BRF2: variants seen among roughly 807,000 people sequenced by gnomAD.
BRF2 encodes the protein BRF2 general transcription factor IIIB subunit, also known as transcription factor IIIB 50 kDa subunit.
A neutral mutation model predicts 26.6 loss-of-function variants in BRF2; 17 were observed. The ratio of observed to expected loss-of-function variants is 0.64; its 90% CI spans 0.44 to 0.96. The LOEUF is 0.96. Among genes scored for constraint, BRF2 ranks in the 40% least tolerant of loss-of-function variants. The pLI, the probability that BRF2 is intolerant of heterozygous loss-of-function variation, is 0.00. For missense variants in BRF2, 515 were observed against 537.0 expected, an observed-to-expected ratio of 0.96 and a Z score of 0.40; for synonymous variants, 219 against 226.6, an observed-to-expected ratio of 0.97 and a Z score of 0.30.
At chr8:37,845,901 TCAGC>T in intron 3 of BRF2, 1 of 573,434 alleles carries the variant, frequency 1.7e-6, no homozygotes, top group Admixed American at 3.4e-5. Context: ...AGCTGGGCAT[TCAGC>T]CACAAAGCCC....
rs761019831 is a variant in BRF2, at chr8:37,844,423, T to G, written c.*67A>C. 3 of 1,568,996 alleles carry G rather than the reference T, an allele frequency of 1.9e-6. No individual in the cohort carries two copies. The highest frequency in any genetic ancestry group is 3.5e-5 in the Admixed American group (2 of 57,572). ...ACCTACGGACTGGTGTACACTTCCA[T>G]CCTTGGTTATAACAGGAATGTTATC... On this transcript the variant is annotated 3_prime_UTR_variant, in exon 4 of 4. Transcript: ENST00000220659.
At chr8:37,845,247 G>A (rs758055506) in intron 3 of BRF2, 34 bp from the exon 4 acceptor site, 2 of 1,558,522 alleles carry the variant, frequency 1.3e-6, no homozygotes, top group South Asian at 2.3e-5. Flanking sequence ...GGATCTTAAT[G>A]ATATAGGGGC....
At chr8:37,845,321 T>A in intron 3 of BRF2, 108 bp from the exon 4 acceptor site, 1 of 862,094 alleles carries the variant, frequency 1.2e-6, no homozygotes, top group Non-Finnish European at 1.9e-6. Flanking sequence ...CCCTCAGGAA[T>A]ACTCAAGCTC....
chr8:37,843,972 T>A lies in BRF2; in HGVS notation c.*518A>T, dbSNP rs1805897389. 1.3e-5 allele frequency: 2 copies of A among 154,080 alleles called. 1 individual carries two copies. Among genetic ancestry groups the A allele is most frequent in the African/African-American group, 4.8e-5 (2 of 41,468 alleles). 9.5% of individuals were successfully genotyped at this position (154,080 alleles called of 1,614,324 possible). A position where few individuals can be genotyped will look rare whatever the true frequency, so the allele number is the denominator to read the frequency against. On this transcript the variant is annotated 3_prime_UTR_variant, in exon 4 of 4. Coordinates refer to ENST00000220659, the MANE Select transcript of BRF2 (RefSeq NM_018310.4). ...TAAAATTTTGCAAAGCCCTTTGAGCTACTGCCTTAGTCTACCCACTGTCCT... is the reference window on the plus strand; with the variant it reads ...TAAAATTTTGCAAAGCCCTTTGAGCAACTGCCTTAGTCTACCCACTGTCCT...
chr8:37,847,286 A>G lies in BRF2; in HGVS notation c.215-111T>C, dbSNP rs146554738. ...CTGCTAAACTTGCCTCAGATATCAG[A>G]TGCACAAATTATGTACCTTTCTGCA... On this transcript the variant is annotated intron_variant, in intron 2 of 3. Coordinates refer to ENST00000220659, the MANE Select transcript of BRF2 (RefSeq NM_018310.4). 64 of 882,170 alleles carry G rather than the reference A, an allele frequency of 7.3e-5. 1 individual carries two copies. In the African/African-American group the frequency reaches 9.5e-4, roughly 13 times the overall value. 54.6% of individuals were successfully genotyped at this position (882,170 alleles called of 1,614,324 possible).
chr8:37,847,085 C>A lies in BRF2; in HGVS notation c.305G>T (p.Arg102Leu). Residue 102 changes from arginine (R) to leucine (L), a missense_variant, in exon 3 of 4, where the codon CGG becomes CTG. Transcript: ENST00000220659. The part of the protein sequence containing the change: ...TAVAYYQQAY[R>L]HSGIRAARLQ... ...CCTGGCCGCTCGGATGCCAGAGTGCCGATATGCCTGTTGGTAGTAGGCAAC... is the reference window on the plus strand; with the variant it reads ...CCTGGCCGCTCGGATGCCAGAGTGCAGATATGCCTGTTGGTAGTAGGCAAC... The A allele has an allele frequency of 6.2e-7, 1 of 1,614,156 alleles. No individual in the cohort carries two copies. Among genetic ancestry groups the A allele is most frequent in the Non-Finnish European group, 8.5e-7 (1 of 1,180,044 alleles).
intron 3 of BRF2, 23 bp downstream of exon 3, chr8:37,846,831 A>G (rs1805966882): frequency 6.4e-7 from 1 of 1,569,714 alleles, no homozygotes; most frequent in Non-Finnish European, 8.8e-7. Flanking sequence ...ATCCCATCCT[A>G]CTGTCTCCCA....
At chr8:37,846,128 C>T (rs938988511) in intron 3 of BRF2, among the ~76,000 whole-genome samples, 5 of 152,134 alleles carry the variant, frequency 3.3e-5, no homozygotes, top group South Asian at 2.1e-4. Flanking sequence ...GTGGGTAGAA[C>T]GCTTGAGTCC....
Position 37,846,994 on chromosome 8 carries a change from G to A in BRF2, c.396C>T (p.Pro132=). 6.2e-7 allele frequency: 1 copy of A among 1,614,186 alleles called. No individual in the cohort carries two copies. Among genetic ancestry groups the A allele is most frequent in the Non-Finnish European group, 8.5e-7 (1 of 1,180,036 alleles). ...GCGTGCAGATGGCCCCCATTGTTAG[G>A]GGCCAGTTATGCTGTCGGCAGGTGA... The part of the protein sequence containing the change: ...VLITCRQHNW[P]LTMGAICTLL... The change falls in exon 3 of 4, where the codon CCC becomes CCT. Residue 132 remains proline (P), a synonymous_variant. Coordinates refer to ENST00000220659, the MANE Select transcript of BRF2 (RefSeq NM_018310.4).
Position 37,845,186 on chromosome 8 carries a change from A to C in BRF2, c.564T>G (p.Ser188=). 1 of 1,612,196 alleles carries C rather than the reference A, an allele frequency of 6.2e-7. No homozygotes were observed. Among genetic ancestry groups the C allele is most frequent in the South Asian group, 1.1e-5 (1 of 91,062 alleles). The change falls in exon 4 of 4, where the codon TCT becomes TCG. Residue 188 remains serine (S), a synonymous_variant. Transcript: ENST00000220659. ...TGTCTTCCACGTATTTGGCTGGCAC[A>C]GAAGGTGAAGCTTGGAACAGTTTGA... The part of the protein sequence containing the change: ...SSFKLFQASP[S]VPAKYVEDKE...
At chr8:37,846,307 C>A (rs1282071025) in intron 3 of BRF2, among the ~76,000 whole-genome samples, 1 of 151,738 alleles carries the variant, frequency 6.6e-6, no homozygotes, top group Non-Finnish European at 1.5e-5. Context: ...GAAATCATGC[C>A]ACTGCTCTCC....
At position 37,844,162 on chromosome 8, in the gene BRF2, G is replaced by T. The variant is rs957504122; in HGVS notation, c.*328C>A. 1.7e-5 allele frequency: 5 copies of T among 289,300 alleles called. No individual in the cohort carries two copies. Among genetic ancestry groups the T allele is most frequent in the Non-Finnish European group, 2.6e-5 (4 of 151,648 alleles). The allele number at this position is 289,300 out of a possible 1,614,324, so 17.9% of individuals were successfully genotyped here. ...GAGGGAAGCCCCCTCAGGCCTGCAG[G>T]AGGAGCCGCAGCAGTGTGTCCAATT... is the stretch of plus-strand genomic sequence containing the variant. On this transcript the variant is annotated 3_prime_UTR_variant, in exon 4 of 4. Transcript: ENST00000220659.
Position 37,847,190 on chromosome 8 carries a change from C to A in BRF2, c.215-15G>T. 3 of 1,612,186 alleles carry A rather than the reference C, an allele frequency of 1.9e-6. No homozygotes were observed. On this transcript the variant is annotated splice_polypyrimidine_tract_variant and intron_variant, in intron 2 of 3. Transcript: ENST00000220659. ...TCGCCGGAGACCTAGGAAAAACCCA[C>A]GGCAAGAGTTAGAGGGGTCAAAGGA...
In BRF2 at chr8:37,847,173, G is replaced by A. The variant is rs779017942; in HGVS notation, c.217C>T (p.Leu73Phe). The A allele has an allele frequency of 6.2e-7, 1 of 1,613,106 alleles. No individual in the cohort carries two copies. Among genetic ancestry groups the A allele is most frequent in the South Asian group, 1.1e-5 (1 of 91,044 alleles). The change falls in exon 3 of 4, where the codon CTC becomes TTC. Residue 73 changes from leucine to phenylalanine, a missense_variant and splice_region_variant. Transcript: ENST00000220659. ...EQVSRSQQRG[L>F]RRVRDLCRVL... is the part of the protein sequence containing the mutation. ...CGACAAAGGTCTCTCACTCGCCGGA[G>A]ACCTAGGAAAAACCCACGGCAAGAG... is the stretch of plus-strand genomic sequence containing the variant.
rs1229048312 is a variant in BRF2 at position 37,849,858 on chromosome 8, A to T, written c.-75T>A. 1.5e-5 allele frequency: 22 copies of T among 1,425,366 alleles called. No homozygotes were observed. The highest frequency in any genetic ancestry group is 1.9e-5 in the Non-Finnish European group (20 of 1,059,674). 88.3% of individuals were successfully genotyped at this position (1,425,366 alleles called of 1,614,324 possible). ...GCAACAGCAACCGTGAGGCAGCAAG[A>T]AGTAGGAGGGGACACTTCAAAGGGT... On this transcript the variant is annotated 5_prime_UTR_variant, in exon 1 of 4. Coordinates refer to ENST00000220659, the MANE Select transcript of BRF2 (RefSeq NM_018310.4).
chr8:37,849,606 G>C, intron 1 of BRF2, 24 bp downstream of exon 1: 1 of 1,604,290 alleles, frequency 6.2e-7, no homozygotes, highest in Non-Finnish European at 8.5e-7. Flanking sequence ...CACCGCCCCA[G>C]GCTGTCCCCA....
intron 1 of BRF2, among the ~76,000 whole-genome samples, chr8:37,849,091 TA>T (rs199931194): frequency 6.6e-6 from 1 of 151,870 alleles, no homozygotes; most frequent in African/African-American, 2.4e-5. Context: ...CCTGGCTAAT[TA>T]AAAAAAAATT....
chr8:37,845,602 C>T, intron 3 of BRF2: 7 of 666,744 alleles, frequency 1.0e-5, no homozygotes, highest in Non-Finnish European at 1.9e-5. Context: ...CCTCTACTTT[C>T]AACGTTATTT....
At position 37,849,769 on chromosome 8, in the gene BRF2, G is replaced by A. The variant is rs1806036554; in HGVS notation, c.15C>T (p.Gly5=). 1.2e-6 allele frequency: 2 copies of A among 1,610,050 alleles called. No individual in the cohort carries two copies. Among genetic ancestry groups the A allele is most frequent in the Admixed American group, 1.7e-5 (1 of 59,702 alleles). Residue 5 remains glycine, a synonymous_variant, in exon 1 of 4, where the codon GGC becomes GGT. Coordinates refer to ENST00000220659, the MANE Select transcript of BRF2 (RefSeq NM_018310.4). MPGR[G]RCPDCGSTEL... ...CCGTGGAGCCGCAGTCCGGGCAGCG[G>A]CCTCTGCCTGGCATCTCACAACCGG...
Sources: gnomAD v4.1 joint callset for allele counts (sites outside exome capture counted in the v4.1 genomes callset) on GRCh38, gnomAD v4.1.1 for gene constraint, MANE v1.5 for transcripts, NCBI Gene and HGNC (gene_info 2026-07-23, HGNC 2026-07-21) for gene names.